Variants in DPP10 observed in about 807,000 individuals in gnomAD.
DPP10 encodes the protein dipeptidyl peptidase like 10, also known as inactive dipeptidyl peptidase 10.
A neutral mutation model predicts 120.9 loss-of-function variants in DPP10; 33 were observed. That is an observed-to-expected ratio of 0.27 (90% confidence interval 0.21 to 0.37). DPP10 has a LOEUF of 0.37. DPP10 is among the 10% of genes least tolerant of loss of function. The pLI is 1.00. For missense variants in DPP10, 816 were observed against 942.8 expected, an observed-to-expected ratio of 0.87 and a Z score of 1.76; for synonymous variants, 337 against 326.1, an observed-to-expected ratio of 1.03 and a Z score of -0.36.
intron 1 of DPP10, among the ~76,000 whole-genome samples, chr2:115,307,202 C>T (rs960165713): frequency 3.3e-5 from 5 of 151,984 alleles, no homozygotes; most frequent in Non-Finnish European, 7.4e-5. Context: ...ATACCAGACA[C>T]ATAATAATAT....
rs756591992 is a variant in DPP10 at position 114,632,503 on chromosome 2, G to GTTTTTT, written c.60+189686_60+189691dup. ...ATAACTGTGTAACTATGGACTTAGGGTTTTTTTTTTTTTTTTTTTTTTTTT... is the reference window on the plus strand; with the variant it reads ...ATAACTGTGTAACTATGGACTTAGGGTTTTTTTTTTTTTTTTTTTTTTTTTTTTTTT... On this transcript the variant is annotated intron_variant, in intron 1 of 25. Coordinates refer to ENST00000410059, the MANE Select transcript of DPP10 (RefSeq NM_020868.6). Among the ~76,000 whole-genome samples, 28 of 88,626 alleles carry GTTTTTT rather than the reference G, an allele frequency of 3.2e-4. 3 individuals are homozygous for GTTTTTT. Among genetic ancestry groups the GTTTTTT allele is most frequent in the African/African-American group, 1.2e-3 (27 of 21,996 alleles). The allele number at this position is 88,626 out of a possible 152,430, so 58.1% of individuals were successfully genotyped here.
chr2:114,662,514 G>C (rs934779854), intron 1 of DPP10, among the ~76,000 whole-genome samples: 2 of 152,108 alleles, frequency 1.3e-5, no homozygotes, highest in African/African-American at 4.8e-5. Context: ...TCAGACCCGC[G>C]ACCACTACAA....
At chr2:115,710,523 G>A (rs146469725) in intron 7 of DPP10, among the ~76,000 whole-genome samples, 2 of 151,898 alleles carry the variant, frequency 1.3e-5, no homozygotes, top group African/African-American at 4.8e-5. Context: ...AGAATTTAAG[G>A]GTATGTGGTA....
chr2:115,009,277 T>C (rs1702085848), intron 1 of DPP10, among the ~76,000 whole-genome samples: 1 of 151,778 alleles, frequency 6.6e-6, no homozygotes, highest in Non-Finnish European at 1.5e-5. Flanking sequence ...ATGTCCTTTG[T>C]AGGGACATGG....
intron 1 of DPP10, among the ~76,000 whole-genome samples, chr2:115,142,921 T>C (rs1157345529): frequency 6.6e-6 from 1 of 152,172 alleles, no homozygotes; most frequent in African/African-American, 2.4e-5. Context: ...GGGGGTGTCC[T>C]AGATTTGTCT....
Position 114,495,916 on chromosome 2 carries a change from T to C in DPP10, c.60+53078T>C, listed in dbSNP as rs59739872. Among the ~76,000 whole-genome samples the C allele has an allele frequency of 3.6e-3, 545 of 152,328 alleles. 2 individuals are homozygous for C. Among genetic ancestry groups the C allele is most frequent in the African/African-American group, 0.012 (505 of 41,586 alleles). On this transcript the variant is annotated intron_variant, in intron 1 of 25. Coordinates refer to ENST00000410059, the MANE Select transcript of DPP10 (RefSeq NM_020868.6). Reference sequence around the variant, plus strand: ...CACACACACAGAAATTTTTACCTTCTCTCTTTTCACAACCTTGCTATTGCC... The same window carrying C: ...CACACACACAGAAATTTTTACCTTCCCTCTTTTCACAACCTTGCTATTGCC...
intron 1 of DPP10, among the ~76,000 whole-genome samples, chr2:114,824,012 G>A (rs1272550712): frequency 6.6e-6 from 1 of 152,180 alleles, no homozygotes; most frequent in Non-Finnish European, 1.5e-5. Flanking sequence ...AATGTGGCTT[G>A]AAGATAAAGT....
intron 1 of DPP10, among the ~76,000 whole-genome samples, chr2:114,577,703 C>A (rs1690170703): frequency 6.6e-6 from 1 of 152,126 alleles, no homozygotes. Context: ...CTGGAGGCTG[C>A]AAGTTTGAGA....
intron 3 of DPP10, among the ~76,000 whole-genome samples, chr2:115,486,480 A>G (rs1001797426): frequency 3.3e-5 from 5 of 152,144 alleles, no homozygotes; most frequent in African/African-American, 1.2e-4. Context: ...TTGGGATCAT[A>G]TAAACACATC....
rs534490045 is a variant in DPP10 at position 114,914,512 on chromosome 2, G to A, written c.61-394727G>A. ...TCTTTTTGAATAAGCACATGCTTACGGAATTTATTACCACCACCTGCCCTT... is the reference window on the plus strand; with the variant it reads ...TCTTTTTGAATAAGCACATGCTTACAGAATTTATTACCACCACCTGCCCTT... On this transcript the variant is annotated intron_variant, in intron 1 of 25. Transcript: ENST00000410059. 8.5e-5 allele frequency among the ~76,000 whole-genome samples: 13 copies of A among 152,174 alleles called. No individual in the cohort carries two copies. In the South Asian group the frequency reaches 1.2e-3, roughly 15 times the overall value.
chr2:114,483,883 G>A (rs562411606), intron 1 of DPP10, among the ~76,000 whole-genome samples: 7 of 152,218 alleles, frequency 4.6e-5, no homozygotes, highest in South Asian at 2.1e-4. Context: ...TTTGTGTATC[G>A]TAGAATCATC....
At chr2:114,974,417 C>CTTTTTTTTTTT (rs36001857) in intron 1 of DPP10, among the ~76,000 whole-genome samples, 1 of 131,592 alleles carries the variant, frequency 7.6e-6, no homozygotes, top group Non-Finnish European at 1.6e-5. Context: ...CCTTTTTATC[C>CTTTTTTTTTTT]TTTTTTTTTT....
chr2:114,649,963 G>T (rs1696452462), intron 1 of DPP10, among the ~76,000 whole-genome samples: 1 of 152,042 alleles, frequency 6.6e-6, no homozygotes, highest in Non-Finnish European at 1.5e-5. Flanking sequence ...CAGATTTATG[G>T]AGTGTTATAA....
At chr2:115,011,561 C>G (rs1238141548) in intron 1 of DPP10, among the ~76,000 whole-genome samples, 1 of 152,072 alleles carries the variant, frequency 6.6e-6, no homozygotes, top group Non-Finnish European at 1.5e-5. Flanking sequence ...GCCCACACAG[C>G]TTTTTGTTGT....
At chr2:115,533,685 G>A (rs1479526211) in intron 5 of DPP10, among the ~76,000 whole-genome samples, 4 of 151,858 alleles carry the variant, frequency 2.6e-5, no homozygotes, top group Admixed American at 2.0e-4. Flanking sequence ...CATACATTCG[G>A]GGTTCACTAA....
chr2:114,672,082 A>G (rs971818157), intron 1 of DPP10, among the ~76,000 whole-genome samples: 21 of 152,092 alleles, frequency 1.4e-4, no homozygotes, highest in African/African-American at 4.3e-4. Flanking sequence ...AAAGAATTGC[A>G]TATATTTCTT....
At chr2:115,833,029 T>C (rs927623650) in intron 21 of DPP10, among the ~76,000 whole-genome samples, 2 of 152,246 alleles carry the variant, frequency 1.3e-5, no homozygotes, top group African/African-American at 4.8e-5. Context: ...CTCAAGTGAT[T>C]TGAATTAAGT....
At chr2:115,550,500 C>T (rs1255517139) in intron 5 of DPP10, among the ~76,000 whole-genome samples, 1 of 152,114 alleles carries the variant, frequency 6.6e-6, no homozygotes, top group East Asian at 1.9e-4. Flanking sequence ...CAGATGAAGT[C>T]TCCAGTGCAC....
At chr2:115,785,364 A>G (rs1352558979) in intron 17 of DPP10, among the ~76,000 whole-genome samples, 7 of 152,190 alleles carry the variant, frequency 4.6e-5, no homozygotes, top group South Asian at 2.1e-4. Context: ...TGAGTTGGGT[A>G]GGAATCCCTT....
Sources: gnomAD v4.1 joint callset for allele counts (sites outside exome capture counted in the v4.1 genomes callset) on GRCh38, gnomAD v4.1.1 for gene constraint, MANE v1.5 for transcripts, NCBI Gene and HGNC (gene_info 2026-07-23, HGNC 2026-07-21) for gene names.